PALM: variants seen among roughly 807,000 people sequenced by gnomAD.
The protein encoded by PALM is paralemmin, also known as paralemmin-1.
PALM carries 18 observed loss-of-function variants against 30.7 expected under a neutral mutation model. That is an observed-to-expected ratio of 0.59 (90% confidence interval 0.41 to 0.87). The LOEUF (loss-of-function observed/expected upper bound fraction) is 0.87. Ranked by LOEUF, PALM falls within the 40% of genes least tolerant of loss-of-function variation. The pLI is 0.00. For missense variants in PALM, 529 were observed against 555.4 expected, an observed-to-expected ratio of 0.95 and a Z score of 0.48; for synonymous variants, 286 against 242.8, an observed-to-expected ratio of 1.18 and a Z score of -1.66.
At position 709,896 on chromosome 19, in the gene PALM, C is replaced by A. The variant is rs1226780729; in HGVS notation, c.5+745C>A. 2.1e-5 allele frequency among the ~76,000 whole-genome samples: 3 copies of A among 143,080 alleles called. No homozygotes were observed. Among genetic ancestry groups the A allele is most frequent in the Non-Finnish European group, 4.5e-5 (3 of 66,322 alleles). 93.9% of individuals were successfully genotyped at this position (143,080 alleles called of 152,430 possible). On this transcript the variant is annotated intron_variant, in intron 1 of 8. Coordinates refer to ENST00000338448, the MANE Select transcript of PALM (RefSeq NM_002579.3). The surrounding 1 kb of genome is among the most constrained non-coding windows in gnomAD (Gnocchi z 4.3). The stretch of plus-strand genomic sequence containing the variant: ...CTGGGATCCCTGGACCCCCGCATGG[C>A]TGCGCCTGTGTGTGTGGGGGGGGGG...
intron 4 of PALM, among the ~76,000 whole-genome samples, chr19:730,448 T>C (rs914614200): frequency 6.6e-6 from 1 of 152,186 alleles, no homozygotes; most frequent in Non-Finnish European, 1.5e-5. Flanking sequence ...ACTTGGAAAG[T>C]GACATGGTTT....
At position 727,022 on chromosome 19, in the gene PALM, G is replaced by A. The variant is rs747460933; in HGVS notation, c.72G>A (p.Arg24=). The A allele has an allele frequency of 6.5e-6, 10 of 1,533,782 alleles. No individual in the cohort carries two copies. The highest frequency in any genetic ancestry group is 1.8e-4 in the Middle Eastern group (1 of 5,476). ...RLQAIAEKRK[R]QAEIENKRRQ... Reference sequence around the variant, plus strand: ...CCTCCCCACAGGAGAAGCGGAAGCGGCAGGCGGAGATCGAGAACAAGCGCC... The same window carrying A: ...CCTCCCCACAGGAGAAGCGGAAGCGACAGGCGGAGATCGAGAACAAGCGCC... The change falls in exon 3 of 9, where the codon CGG becomes CGA. Residue 24 remains arginine (R), a synonymous_variant. Coordinates refer to ENST00000338448, the MANE Select transcript of PALM (RefSeq NM_002579.3).
At chr19:720,050 A>C (rs1305077911) in intron 1 of PALM, among the ~76,000 whole-genome samples, 36 of 151,246 alleles carry the variant, frequency 2.4e-4, no homozygotes, top group African/African-American at 7.8e-4. Flanking sequence ...CGCCCCCCGG[A>C]CGCCCAGACG....
chr19:735,076 T>C, intron 6 of PALM: 1 of 985,600 alleles, frequency 1.0e-6, no homozygotes, highest in Non-Finnish European at 1.2e-6. Context: ...TGAGGCTGCC[T>C]GTGGGATTTT....
chr19:714,743 G>A (rs2032203136), intron 1 of PALM, among the ~76,000 whole-genome samples: 1 of 151,952 alleles, frequency 6.6e-6, no homozygotes, highest in Non-Finnish European at 1.5e-5. Context: ...TCCACGCCCC[G>A]GGCTCACGGG....
chr19:740,307 C>A, intron 7 of PALM, 45 bp from the exon 8 acceptor site: 1 of 1,511,386 alleles, frequency 6.6e-7, no homozygotes. Context: ...CGGGGGGGTG[C>A]GGGGGCGGGC....
intron 1 of PALM, among the ~76,000 whole-genome samples, chr19:711,961 G>A (rs564095357): frequency 1.2e-4 from 18 of 152,056 alleles, no homozygotes; most frequent in Non-Finnish European, 2.6e-4. Flanking sequence ...ACCATTAAGT[G>A]GGTACCTGCC....
rs1034912656 is a variant in PALM at position 709,632 on chromosome 19, C to A, written c.5+481C>A. 6.6e-6 allele frequency among the ~76,000 whole-genome samples: 1 copy of A among 152,092 alleles called. No individual in the cohort carries two copies. Among genetic ancestry groups the A allele is most frequent in the African/African-American group, 2.4e-5 (1 of 41,450 alleles). On this transcript the variant is annotated intron_variant, in intron 1 of 8. Coordinates refer to ENST00000338448, the MANE Select transcript of PALM (RefSeq NM_002579.3). This position sits in a 1 kb window ranked among gnomAD's most constrained non-coding sequence, Gnocchi z 4.3. ...TGGACGCGCGCGCGGGCCGGTGCCC[C>A]CCACCCCCGCCCTTCCCAAGGGCCT...
chr19:736,256 G>A (rs941638113), intron 7 of PALM, 178 bp downstream of exon 7: 2 of 533,454 alleles, frequency 3.7e-6, no homozygotes, highest in Admixed American at 3.8e-5. Context: ...TGGGGTGGGG[G>A]CCCCCTCTGC....
intron 1 of PALM, among the ~76,000 whole-genome samples, chr19:720,572 GC>G (rs1411123756): frequency 4.1e-5 from 5 of 121,966 alleles, no homozygotes; most frequent in African/African-American, 1.2e-4. Context: ...TGAAGGGGGC[GC>G]CGGGTCTGGG....
At chr19:745,391 G>T (rs1046491337) in intron 8 of PALM, among the ~76,000 whole-genome samples, 3 of 152,068 alleles carry the variant, frequency 2.0e-5, no homozygotes, top group African/African-American at 7.2e-5. Context: ...GAGCTAGTTG[G>T]CTAAAGAATA....
At chr19:719,119 G>C in intron 1 of PALM, 1 of 985,154 alleles carries the variant, frequency 1.0e-6, no homozygotes, top group Non-Finnish European at 1.2e-6. Flanking sequence ...CTCGGCGCCT[G>C]CCCGGGCAGG....
At chr19:722,140 G>C (rs370842428) in intron 1 of PALM, among the ~76,000 whole-genome samples, 15 of 148,908 alleles carry the variant, frequency 1.0e-4, no homozygotes, top group South Asian at 6.4e-4. Context: ...GGATGGTCTC[G>C]ATCTCCTGAC....
intron 7 of PALM, among the ~76,000 whole-genome samples, chr19:738,542 G>A (rs1167033972): frequency 5.9e-5 from 9 of 151,890 alleles, no homozygotes; most frequent in Non-Finnish European, 1.2e-4. Flanking sequence ...AAAAAAGAGG[G>A]AGGACTGAGC....
At chr19:718,613 TCTC>T (rs1429574719) in intron 1 of PALM, among the ~76,000 whole-genome samples, 1 of 151,844 alleles carries the variant, frequency 6.6e-6, no homozygotes, top group South Asian at 2.1e-4. Context: ...ACCTCCGTCT[TCTC>T]CTCTCCCCCG....
intron 1 of PALM, among the ~76,000 whole-genome samples, chr19:716,699 A>G (rs2032272081): frequency 6.6e-6 from 1 of 152,178 alleles, no homozygotes. Context: ...CAGGGCCAGC[A>G]GGGGTTTCAG....
In PALM at chr19:746,383, A is replaced by G. The variant is rs915822920; in HGVS notation, c.733A>G (p.Ser245Gly). ...CCACAAAGCGGACGAGGTCACGCTG[A>G]GCGAGGCAGGGTCCACGGCCGGGGC... ...LIHKADEVTL[S>G]EAGSTAGAAE... is the part of the protein sequence containing the mutation. The change falls in exon 9 of 9, where the codon AGC becomes GGC. Residue 245 changes from serine to glycine, a missense_variant. By Grantham distance (56) the Ser-to-Gly change is moderately conservative (BLOSUM62 0). Coordinates refer to ENST00000338448, the MANE Select transcript of PALM (RefSeq NM_002579.3). The surrounding 1 kb of genome is among the most constrained non-coding windows in gnomAD (Gnocchi z 7.1). 1.9e-6 allele frequency: 3 copies of G among 1,613,094 alleles called. No individual in the cohort carries two copies. Among genetic ancestry groups the G allele is most frequent in the Non-Finnish European group, 2.5e-6 (3 of 1,179,844 alleles).
At chr19:744,709 C>G (rs1017400414) in intron 8 of PALM, among the ~76,000 whole-genome samples, 2 of 151,784 alleles carry the variant, frequency 1.3e-5, no homozygotes, top group African/African-American at 4.8e-5. Flanking sequence ...GCCTGGCCAA[C>G]GTGGTGAAAC....
intron 1 of PALM, among the ~76,000 whole-genome samples, chr19:715,405 C>A (rs149211223): frequency 6.6e-6 from 1 of 152,192 alleles, no homozygotes; most frequent in African/African-American, 2.4e-5. Context: ...TCGTGCTGTG[C>A]GGGATCAGCA....
Sources: allele counts gnomAD v4.1 joint callset (sites outside exome capture counted in the v4.1 genomes callset), GRCh38; gene constraint gnomAD v4.1.1; non-coding constraint Gnocchi (gnomAD v3.1); transcripts MANE v1.5; gene names NCBI Gene and HGNC (gene_info 2026-07-23, HGNC 2026-07-21).